NEGR1: variants seen among roughly 807,000 people sequenced by gnomAD.
The protein encoded by NEGR1 is neuronal growth regulator 1, also known as IgLON family member 4.
NEGR1 carries 10 observed loss-of-function variants against 40.9 expected under a neutral mutation model. That is an observed-to-expected ratio of 0.24 (90% CI 0.15 to 0.42). The LOEUF (loss-of-function observed/expected upper bound fraction) is 0.42, where lower values mean the gene tolerates loss of function less well. NEGR1 is among the 10% of genes least tolerant of loss of function. NEGR1 has a pLI of 1.00. For synonymous variants in NEGR1, 185 were observed against 166.8 expected (o/e 1.11, Z -0.84); for missense variants, 352 against 438.9 (o/e 0.80, Z 1.77).
intron 1 of NEGR1, among the ~76,000 whole-genome samples, chr1:72,111,004 G>T (rs1649343257): frequency 6.6e-6 from 1 of 151,154 alleles, no homozygotes; most frequent in African/African-American, 2.4e-5. Context: ...TTGGTTTCCT[G>T]GCTTTAGTTT....
intron 1 of NEGR1, among the ~76,000 whole-genome samples, chr1:71,948,082 A>G (rs931703982): frequency 6.6e-5 from 10 of 152,276 alleles, no homozygotes; most frequent in African/African-American, 2.4e-4. Flanking sequence ...ACGGACTTTT[A>G]AAATACAGTT....
rs1278868732 is a variant in NEGR1 at position 71,443,320 on chromosome 1, C to T, written c.941-35750G>A. ...TTGACCTCGCTAGATCCCAGTGATCCTTCCGCCTCATAACTGTCGTAGCCA... is the reference window on the plus strand; with the variant it reads ...TTGACCTCGCTAGATCCCAGTGATCTTTCCGCCTCATAACTGTCGTAGCCA... On this transcript the variant is annotated intron_variant, in intron 6 of 6. Coordinates refer to ENST00000357731, the MANE Select transcript of NEGR1 (RefSeq NM_173808.3). Among the ~76,000 whole-genome samples the T allele has an allele frequency of 4.6e-5, 7 of 152,282 alleles. No homozygotes were observed. The South Asian group carries it at 1.5e-3, about 32-fold the overall frequency.
intron 2 of NEGR1, among the ~76,000 whole-genome samples, chr1:71,852,898 G>T (rs1022300872): frequency 2.7e-5 from 4 of 145,670 alleles, no homozygotes; most frequent in African/African-American, 1.0e-4. Flanking sequence ...AGAAAGAATG[G>T]TAAAACTAAA....
chr1:72,128,992 AG>A (rs1650137942), intron 1 of NEGR1, among the ~76,000 whole-genome samples: 2 of 152,138 alleles, frequency 1.3e-5, no homozygotes, highest in African/African-American at 4.8e-5. Flanking sequence ...CAAGTGCTCC[AG>A]GTTCTCTGGC....
At chr1:71,480,799 C>T (rs895774019) in intron 6 of NEGR1, among the ~76,000 whole-genome samples, 3 of 151,806 alleles carry the variant, frequency 2.0e-5, no homozygotes, top group African/African-American at 7.2e-5. Context: ...TAATACCTTA[C>T]ATACCTAATC....
Position 71,474,730 on chromosome 1 carries a change from A to C in NEGR1, c.941-67160T>G, listed in dbSNP as rs970575308. The stretch of plus-strand genomic sequence containing the variant: ...GAGACTCTATCTCAAAAAAAAAAAA[A>C]AAAAAAAACAAAAAAACAAAACCAG... On this transcript the variant is annotated intron_variant, in intron 6 of 6. Coordinates refer to ENST00000357731, the MANE Select transcript of NEGR1 (RefSeq NM_173808.3). Among the ~76,000 whole-genome samples the C allele has an allele frequency of 8.3e-3, 1,247 of 150,680 alleles. 16 individuals carry two copies. The highest frequency in any genetic ancestry group is 0.028 in the African/African-American group (1,157 of 41,162).
At chr1:72,070,997 C>G (rs1469532319) in intron 1 of NEGR1, among the ~76,000 whole-genome samples, 1 of 151,952 alleles carries the variant, frequency 6.6e-6, no homozygotes, top group Non-Finnish European at 1.5e-5. Flanking sequence ...GTTTGCATTT[C>G]TTTTATGTAG....
intron 1 of NEGR1, among the ~76,000 whole-genome samples, chr1:72,227,172 C>T (rs1364085639): frequency 1.3e-5 from 2 of 151,944 alleles, no homozygotes; most frequent in Non-Finnish European, 2.9e-5. Context: ...ACTCAGTTTC[C>T]TCATCTCTAA....
intron 2 of NEGR1, among the ~76,000 whole-genome samples, chr1:71,795,940 A>G (rs563219476): frequency 2.2e-4 from 34 of 152,246 alleles, no homozygotes; most frequent in African/African-American, 7.9e-4. Flanking sequence ...AACTTTGGGG[A>G]TCATTTCAAA....
At chr1:71,976,897 G>A (rs1462413192) in intron 1 of NEGR1, among the ~76,000 whole-genome samples, 2 of 152,280 alleles carry the variant, frequency 1.3e-5, no homozygotes, top group East Asian at 3.9e-4. Flanking sequence ...TAAAAATAGT[G>A]AGACATTTAA....
rs201286002 is a variant in NEGR1, at chr1:71,913,481, CT to C, written c.409+21597del. Among the ~76,000 whole-genome samples the C allele has an allele frequency of 4.6e-5, 7 of 152,230 alleles. No homozygotes were observed. In the East Asian group the frequency reaches 1.4e-3, roughly 29 times the overall value. On this transcript the variant is annotated intron_variant, in intron 2 of 6. Transcript: ENST00000357731. The stretch of plus-strand genomic sequence containing the variant: ...ATACAAACAAGACAAGAAAAGAAGC[CT>C]GCATAATGTCACTTCTAAACCCATA...
At chr1:71,666,434 G>A (rs1433190655) in intron 4 of NEGR1, among the ~76,000 whole-genome samples, 2 of 152,034 alleles carry the variant, frequency 1.3e-5, no homozygotes, top group Admixed American at 6.6e-5. Context: ...TAAAGCATAG[G>A]CACTCAACCA....
intron 1 of NEGR1, among the ~76,000 whole-genome samples, chr1:72,281,310 G>A (rs1274260655): frequency 6.6e-6 from 1 of 152,188 alleles, no homozygotes. Context: ...GTGACAATGT[G>A]GAACAGAGAA....
intron 1 of NEGR1, among the ~76,000 whole-genome samples, chr1:72,197,784 G>T (rs1488091262): frequency 6.6e-6 from 1 of 152,022 alleles, no homozygotes; most frequent in East Asian, 1.9e-4. Context: ...AAAATATATT[G>T]CCAAAAAAAT....
chr1:71,943,029 C>T (rs537619459), intron 1 of NEGR1, among the ~76,000 whole-genome samples: 66 of 122,848 alleles, frequency 5.4e-4, no homozygotes, highest in African/African-American at 1.4e-3. Flanking sequence ...TATATATATA[C>T]ACACATACAT....
intron 4 of NEGR1, among the ~76,000 whole-genome samples, chr1:71,697,765 G>A (rs978450748): frequency 6.6e-6 from 1 of 151,734 alleles, no homozygotes; most frequent in Non-Finnish European, 1.5e-5. Flanking sequence ...CCAGGGATTA[G>A]GAGAGTATTA....
intron 2 of NEGR1, among the ~76,000 whole-genome samples, chr1:71,817,737 G>A (rs963777196): frequency 6.6e-6 from 1 of 152,002 alleles, no homozygotes; most frequent in Non-Finnish European, 1.5e-5. Context: ...GATAGAAACA[G>A]CAGATGTTGC....
intron 6 of NEGR1, among the ~76,000 whole-genome samples, chr1:71,560,429 T>TTTTATATATATATATA (rs1553150203): frequency 8.8e-6 from 1 of 114,266 alleles, no homozygotes; most frequent in Admixed American, 1.0e-4. Context: ...TAATTCTCCA[T>TTTTATATATATATATA]TATATATATA....
intron 3 of NEGR1, among the ~76,000 whole-genome samples, chr1:71,701,768 A>G (rs758309038): frequency 2.6e-5 from 4 of 152,078 alleles, no homozygotes; most frequent in Non-Finnish European, 4.4e-5. Flanking sequence ...ATATTTTTCA[A>G]AGGCAATAGG....
Sources: gnomAD v4.1 joint callset for allele counts (sites outside exome capture counted in the v4.1 genomes callset) on GRCh38, gnomAD v4.1.1 for gene constraint, MANE v1.5 for transcripts, NCBI Gene and HGNC (gene_info 2026-07-23, HGNC 2026-07-21) for gene names.